Variants in DOK5 observed in about 807,000 individuals in gnomAD.
The protein encoded by DOK5 is docking protein 5, also known as downstream of tyrosine kinase 5.
In DOK5, 27 loss-of-function variants were observed where a neutral mutation model predicts 43.3. The ratio of observed to expected loss-of-function variants is 0.62; its 90% confidence interval spans 0.46 to 0.86. DOK5 has a LOEUF of 0.86. DOK5 is among the 40% of genes least tolerant of loss of function. The probability of loss-of-function intolerance (pLI) is 0.00; values close to 1 mark genes in which losing one functional copy is unlikely to be tolerated. For missense variants in DOK5, 373 were observed against 392.9 expected (o/e 0.95, Z 0.43); for synonymous variants, 146 against 140.1 (o/e 1.04, Z -0.30).
At chr20:54,571,000 A>G (rs1229776999) in intron 2 of DOK5, among the ~76,000 whole-genome samples, 2 of 152,238 alleles carry the variant, frequency 1.3e-5, no homozygotes, top group South Asian at 2.1e-4. Flanking sequence ...TATGATGAAT[A>G]AGACATCTGG....
At chr20:54,584,457 C>G (rs1985737132) in intron 2 of DOK5, among the ~76,000 whole-genome samples, 1 of 151,484 alleles carries the variant, frequency 6.6e-6, no homozygotes, top group African/African-American at 2.4e-5. Flanking sequence ...ACTATTCCAC[C>G]AGACTCCTTT....
At chr20:54,557,359 C>T (rs986599907) in intron 2 of DOK5, among the ~76,000 whole-genome samples, 7 of 152,108 alleles carry the variant, frequency 4.6e-5, no homozygotes, top group African/African-American at 1.7e-4. Context: ...GAGCAGGCAA[C>T]CTAGATCCCT....
intron 6 of DOK5, among the ~76,000 whole-genome samples, chr20:54,624,818 C>T (rs1987086691): frequency 6.6e-6 from 1 of 152,182 alleles, no homozygotes; most frequent in African/African-American, 2.4e-5. Context: ...ATCTGGTGCT[C>T]GGCAACATGC....
At chr20:54,580,528 G>T (rs536924696) in intron 2 of DOK5, among the ~76,000 whole-genome samples, 36 of 152,036 alleles carry the variant, frequency 2.4e-4, no homozygotes, top group Middle Eastern at 3.4e-3. Flanking sequence ...TTAGGTCTGT[G>T]GGGTTGTTTT....
chr20:54,570,035 A>G (rs1329829354), intron 2 of DOK5, among the ~76,000 whole-genome samples: 1 of 152,224 alleles, frequency 6.6e-6, no homozygotes, highest in Non-Finnish European at 1.5e-5. Flanking sequence ...ATTTTTGATG[A>G]AAACTGAGCA....
intron 1 of DOK5, among the ~76,000 whole-genome samples, chr20:54,520,466 C>T (rs1983355938): frequency 6.6e-6 from 1 of 152,040 alleles, no homozygotes; most frequent in Non-Finnish European, 1.5e-5. Flanking sequence ...TAAGATCATA[C>T]CACTCCTCTG....
chr20:54,506,001 G>A (rs6023318), intron 1 of DOK5, among the ~76,000 whole-genome samples: 2,711 of 152,296 alleles, frequency 0.018, 83 homozygotes, highest in African/African-American at 0.062. Flanking sequence ...GCTGGGGATA[G>A]TGTGCTTTGG....
chr20:54,645,051 A>G (rs1182344687), intron 7 of DOK5, among the ~76,000 whole-genome samples: 1 of 113,328 alleles, frequency 8.8e-6, no homozygotes, highest in African/African-American at 3.4e-5. Context: ...TCTGTCGCCC[A>G]GGCTGGACTG....
chr20:54,638,457 T>C (rs1978944847), intron 6 of DOK5, among the ~76,000 whole-genome samples: 1 of 152,092 alleles, frequency 6.6e-6, no homozygotes, highest in African/African-American at 2.4e-5. Flanking sequence ...GGGAAGGGTG[T>C]CAAGATCAGA....
chr20:54,638,195 G>A (rs1978931939), intron 6 of DOK5, among the ~76,000 whole-genome samples: 1 of 152,032 alleles, frequency 6.6e-6, no homozygotes, highest in Non-Finnish European at 1.5e-5. Flanking sequence ...CTAGGTTAGT[G>A]ACTATCACAA....
intron 1 of DOK5, among the ~76,000 whole-genome samples, chr20:54,499,943 T>C (rs1462558498): frequency 6.6e-6 from 1 of 152,206 alleles, no homozygotes; most frequent in South Asian, 2.1e-4. Context: ...CTCTGCTATA[T>C]TGATGCATAG....
intron 2 of DOK5, among the ~76,000 whole-genome samples, chr20:54,572,361 A>G (rs759920183): frequency 2.0e-5 from 3 of 151,904 alleles, no homozygotes; most frequent in Admixed American, 6.6e-5. Flanking sequence ...ACAGGGTTTC[A>G]CCATGTTAGC....
intron 1 of DOK5, among the ~76,000 whole-genome samples, chr20:54,510,651 G>A (rs757024518): frequency 6.6e-6 from 1 of 152,080 alleles, no homozygotes; most frequent in African/African-American, 2.4e-5. Context: ...TCTCCTTCCC[G>A]CTCTACTGGA....
intron 5 of DOK5, among the ~76,000 whole-genome samples, chr20:54,602,826 G>A (rs898958164): frequency 1.3e-5 from 2 of 152,018 alleles, no homozygotes; most frequent in African/African-American, 2.4e-5. Flanking sequence ...GTCGCACACC[G>A]CCATGCCTGG....
At chr20:54,486,394 A>G (rs1233481791) in intron 1 of DOK5, among the ~76,000 whole-genome samples, 1 of 151,842 alleles carries the variant, frequency 6.6e-6, no homozygotes, top group Admixed American at 6.6e-5. Flanking sequence ...ATATGTCTGT[A>G]TTTGTAACTA....
chr20:54,602,620 A>G (rs752040392), intron 5 of DOK5, among the ~76,000 whole-genome samples: 3 of 152,184 alleles, frequency 2.0e-5, no homozygotes, highest in Non-Finnish European at 4.4e-5. Context: ...GAAGTGAGCA[A>G]ACTTCTAGCT....
intron 1 of DOK5, among the ~76,000 whole-genome samples, chr20:54,543,388 A>G (rs1314332360): frequency 6.6e-6 from 1 of 152,168 alleles, no homozygotes; most frequent in Non-Finnish European, 1.5e-5. Flanking sequence ...TTGCATCTTT[A>G]TAGACTAGAA....
intron 2 of DOK5, among the ~76,000 whole-genome samples, chr20:54,582,596 A>G (rs1985677619): frequency 6.6e-6 from 1 of 151,658 alleles, no homozygotes; most frequent in Admixed American, 6.6e-5. Flanking sequence ...CTATTTCTTC[A>G]TGATTCAGTC....
intron 5 of DOK5, among the ~76,000 whole-genome samples, chr20:54,602,866 G>T (rs1600728527): frequency 6.6e-6 from 1 of 152,080 alleles, no homozygotes; most frequent in African/African-American, 2.4e-5. Context: ...TAGAGATGGG[G>T]TTTCATCATC....
Sources: gnomAD v4.1 joint callset for allele counts (sites outside exome capture counted in the v4.1 genomes callset) on GRCh38, gnomAD v4.1.1 for gene constraint, MANE v1.5 for transcripts, NCBI Gene and HGNC (gene_info 2026-07-23, HGNC 2026-07-21) for gene names.